Variants in CLPTM1L observed in about 807,000 individuals in gnomAD.
The protein encoded by CLPTM1L is lipid scramblase CLPTM1L.
Under a neutral mutation model 70.9 loss-of-function variants are expected in CLPTM1L, and 38 were observed. The ratio of observed to expected loss-of-function variants is 0.54; its 90% CI spans 0.41 to 0.70. The LOEUF (loss-of-function observed/expected upper bound fraction) is 0.70, where lower values mean the gene tolerates loss of function less well. Among genes scored for constraint, CLPTM1L ranks in the 30% least tolerant of loss-of-function variants. The pLI, the probability that CLPTM1L is intolerant of heterozygous loss-of-function variation, is 0.00. For missense variants in CLPTM1L, 652 were observed against 705.9 expected, an observed-to-expected ratio of 0.92 and a Z score of 0.87; for synonymous variants, 339 against 299.9, an observed-to-expected ratio of 1.13 and a Z score of -1.35.
chr5:1,334,707 T>C (rs1189761523), intron 6 of CLPTM1L, among the ~76,000 whole-genome samples: 4 of 152,086 alleles, frequency 2.6e-5, no homozygotes, highest in Non-Finnish European at 5.9e-5. Context: ...TAACCAGAGA[T>C]TGTGCCACTG....
intron 9 of CLPTM1L, among the ~76,000 whole-genome samples, chr5:1,329,495 CAGAGCCTCAGGACTCTCTGCT>C (rs1752927348): frequency 6.9e-6 from 1 of 145,918 alleles, no homozygotes; most frequent in African/African-American, 2.6e-5. Flanking sequence ...GCTTGGTGGA[CAGAGCCTCAGGACTCTCTGCT>C]TGGTGGACAG....
intron 5 of CLPTM1L, 110 bp downstream of exon 5, chr5:1,337,794 G>C: frequency 3.5e-6 from 3 of 865,416 alleles, no homozygotes. Flanking sequence ...TAAAAGCACC[G>C]TGTCAAATGT....
chr5:1,335,563 C>A (rs1561247476), intron 5 of CLPTM1L, among the ~76,000 whole-genome samples: 1 of 152,260 alleles, frequency 6.6e-6, no homozygotes, highest in Non-Finnish European at 1.5e-5. Context: ...AGAGCCCTGG[C>A]CTGTCCTAAG....
intron 8 of CLPTM1L, chr5:1,331,423 C>T (rs1007489856): frequency 1.7e-5 from 5 of 288,140 alleles, no homozygotes; most frequent in Non-Finnish European, 2.7e-5. Flanking sequence ...GAGGACGGGG[C>T]GAGGGAACCA....
chr5:1,343,455 G>C (rs1471509445), intron 2 of CLPTM1L, among the ~76,000 whole-genome samples: 1 of 152,226 alleles, frequency 6.6e-6, no homozygotes, highest in African/African-American at 2.4e-5. Context: ...GCTGTCCTTG[G>C]TAACTGGTAC....
At chr5:1,331,536 CAT>C in intron 8 of CLPTM1L, 1 of 569,316 alleles carries the variant, frequency 1.8e-6, no homozygotes, top group Non-Finnish European at 3.1e-6. Flanking sequence ...ACCCAGACCC[CAT>C]GCACGCCAGA....
chr5:1,344,857 G>T lies in CLPTM1L; in HGVS notation c.-16C>A, dbSNP rs760209368. ...CGCTCCACATGGCGGCCCCGCGCCC[G>T]GCGCCCCCGGCCCGCCCGCCTCTCA... On this transcript the variant is annotated 5_prime_UTR_variant, in exon 1 of 17. Coordinates refer to ENST00000320895, the MANE Select transcript of CLPTM1L (RefSeq NM_030782.5). 3.5e-6 allele frequency: 5 copies of T among 1,437,624 alleles called. No homozygotes were observed. Among genetic ancestry groups the T allele is most frequent in the Non-Finnish European group, 4.6e-6 (5 of 1,090,852 alleles). The allele number at this position is 1,437,624 out of a possible 1,614,324, so 89.1% of individuals were successfully genotyped here.
intron 3 of CLPTM1L, among the ~76,000 whole-genome samples, chr5:1,340,400 C>T (rs1008777064): frequency 1.3e-5 from 2 of 152,254 alleles, no homozygotes; most frequent in Non-Finnish European, 2.9e-5. Context: ...CTTAGCTCGG[C>T]TCAGATCTGA....
rs564233947 is a variant in CLPTM1L at position 1,335,058 on chromosome 5, G to A, written c.795C>T (p.Phe265=). The change falls in exon 6 of 17, where the codon TTC becomes TTT. Residue 265 remains phenylalanine, a splice_region_variant and synonymous_variant. Coordinates refer to ENST00000320895, the MANE Select transcript of CLPTM1L (RefSeq NM_030782.5). ...MQDAVYSLQQ[F]GFSEKDADEV... ...GCGCCGGCCGTGTGCGGCACATACC[G>A]AACTGCTGCAGGGAGTACACGGCGT... The A allele has an allele frequency of 2.6e-5, 42 of 1,612,270 alleles. No individual in the cohort carries two copies. The South Asian group carries it at 3.3e-4, about 13-fold the overall frequency.
rs1418842107 is a variant in CLPTM1L at position 1,318,079 on chromosome 5, C to T, written c.*290G>A. 1.2e-5 allele frequency: 5 copies of T among 421,978 alleles called. No individual in the cohort carries two copies. Among genetic ancestry groups the T allele is most frequent in the Non-Finnish European group, 2.1e-5 (5 of 238,332 alleles). The allele number at this position is 421,978 out of a possible 1,614,324, so 26.1% of individuals were successfully genotyped here. On this transcript the variant is annotated 3_prime_UTR_variant, in exon 17 of 17. Coordinates refer to ENST00000320895, the MANE Select transcript of CLPTM1L (RefSeq NM_030782.5). This position sits in a 1 kb window ranked among gnomAD's most constrained non-coding sequence, Gnocchi z 8.9. ...GCCTGTGAGGGCTCCCACCCCTGCC[C>T]GCGTGAGGACATGGCCGAACCCCGG...
chr5:1,339,251 G>A (rs186179470), intron 3 of CLPTM1L, among the ~76,000 whole-genome samples: 164 of 148,408 alleles, frequency 1.1e-3, no homozygotes, highest in Middle Eastern at 3.7e-3. Context: ...ACTGTGCCCG[G>A]GACAGCAGGG....
At chr5:1,335,895 G>C (rs1276226618) in intron 5 of CLPTM1L, among the ~76,000 whole-genome samples, 1 of 148,254 alleles carries the variant, frequency 6.7e-6, no homozygotes, top group Admixed American at 6.7e-5. Context: ...CCACGTTCTG[G>C]AACATCCAGC....
At chr5:1,343,327 T>G (rs986496209) in intron 2 of CLPTM1L, among the ~76,000 whole-genome samples, 1 of 152,138 alleles carries the variant, frequency 6.6e-6, no homozygotes, top group Non-Finnish European at 1.5e-5. Flanking sequence ...TGCAGGGCTG[T>G]GTATTTCTGG....
chr5:1,318,233 T>A lies in CLPTM1L; in HGVS notation c.*136A>T. 1.5e-6 allele frequency: 1 copy of A among 683,376 alleles called. No homozygotes were observed. The highest frequency in any genetic ancestry group is 2.4e-5 in the Admixed American group (1 of 42,200). 42.3% of individuals were successfully genotyped at this position (683,376 alleles called of 1,614,324 possible). On this transcript the variant is annotated 3_prime_UTR_variant, in exon 17 of 17. Coordinates refer to ENST00000320895, the MANE Select transcript of CLPTM1L (RefSeq NM_030782.5). The surrounding 1 kb of genome is among the most constrained non-coding windows in gnomAD (Gnocchi z 8.9). ...CTCCAAATCTGACGTGATGGGAACT[T>A]GGGAGATGTCTGAGAAATGTCCGAA...
chr5:1,337,936 C>T lies in CLPTM1L; in HGVS notation c.646G>A (p.Asp216Asn), dbSNP rs1330696050. ...TCCTTCACGCGGTTGCTGAGCTGGT[C>T]GATGAACAGGATGGGCAGGTAATGC... ...TVHYLPILFIDQLSNRVKDLM... is the reference protein window; with the variant it reads ...TVHYLPILFINQLSNRVKDLM... Residue 216 changes from aspartate (D) to asparagine (N), a missense_variant, in exon 5 of 17, where the codon GAC (aspartate) becomes AAC (asparagine). Coordinates refer to ENST00000320895, the MANE Select transcript of CLPTM1L (RefSeq NM_030782.5). 1.9e-6 allele frequency: 3 copies of T among 1,607,444 alleles called. No individual in the cohort carries two copies. Among genetic ancestry groups the T allele is most frequent in the East Asian group, 2.2e-5 (1 of 44,662 alleles).
At chr5:1,320,463 G>A (rs1179462513) in intron 16 of CLPTM1L, 153 bp downstream of exon 16, 4 of 493,204 alleles carry the variant, frequency 8.1e-6, no homozygotes, top group Non-Finnish European at 1.4e-5. Context: ...TGGAACCCAA[G>A]TTTAGGCAAG....
chr5:1,338,802 G>A, intron 4 of CLPTM1L, 58 bp downstream of exon 4: 1 of 1,602,416 alleles, frequency 6.2e-7, no homozygotes, highest in Non-Finnish European at 8.5e-7. Context: ...GGCGAGTTCT[G>A]GCCAGCCAGG....
At chr5:1,331,651 G>T in intron 8 of CLPTM1L, 148 bp downstream of exon 8, 1 of 677,814 alleles carries the variant, frequency 1.5e-6, no homozygotes, top group Non-Finnish European at 2.5e-6. Context: ...GGGCTTTACG[G>T]TGCCTGGTCT....
chr5:1,342,650 C>A lies in CLPTM1L; in HGVS notation c.264-790G>T, dbSNP rs1196822312. Among the ~76,000 whole-genome samples, 1 of 152,244 alleles carries A rather than the reference C, an allele frequency of 6.6e-6. No homozygotes were observed. The highest frequency in any genetic ancestry group is 6.5e-5 in the Admixed American group (1 of 15,290). On this transcript the variant is annotated intron_variant, in intron 2 of 16. Coordinates refer to ENST00000320895, the MANE Select transcript of CLPTM1L (RefSeq NM_030782.5). This position sits in a 1 kb window ranked among gnomAD's most constrained non-coding sequence, Gnocchi z 4.3. Reference sequence around the variant, plus strand: ...TCACCAGGCTGAAAGTGTAGGGGTGCAATCACAGCTCACTGCATCCTCAAC... The same window carrying A: ...TCACCAGGCTGAAAGTGTAGGGGTGAAATCACAGCTCACTGCATCCTCAAC...
Sources: allele counts gnomAD v4.1 joint callset (sites outside exome capture counted in the v4.1 genomes callset), GRCh38; gene constraint gnomAD v4.1.1; non-coding constraint Gnocchi (gnomAD v3.1); transcripts MANE v1.5; gene names NCBI Gene and HGNC (gene_info 2026-07-23, HGNC 2026-07-21).